The following NPHP4 variants were observed in gnomAD, a reference collection of about 807,000 sequenced individuals.
The protein encoded by NPHP4 is nephrocystin 4.
NPHP4 carries 151 observed loss-of-function variants against 155.8 expected under a neutral mutation model. The observed-to-expected ratio is 0.97, with a 90% confidence interval of 0.85 to 1.11. NPHP4 has a LOEUF of 1.11. NPHP4 is among the 50% of genes least tolerant of loss of function. NPHP4 has a pLI of 0.00. For missense variants in NPHP4, 1,956 were observed against 1,925.7 expected, an observed-to-expected ratio of 1.02 and a Z score of -0.29; for synonymous variants, 845 against 816.8, an observed-to-expected ratio of 1.03 and a Z score of -0.59.
chr1:5,986,118 G>A, intron 2 of NPHP4, 37 bp downstream of exon 2: 1 of 1,610,806 alleles, frequency 6.2e-7, no homozygotes, highest in Admixed American at 1.7e-5. Flanking sequence ...TCAGCTAAGA[G>A]CAATAACACG....
chr1:5,980,831 C>G (rs1362439668), intron 2 of NPHP4, among the ~76,000 whole-genome samples: 1 of 152,118 alleles, frequency 6.6e-6, no homozygotes, highest in Non-Finnish European at 1.5e-5. Flanking sequence ...AGACTCCAAG[C>G]CCAGCTCCCA....
intron 3 of NPHP4, among the ~76,000 whole-genome samples, chr1:5,972,748 C>CT (rs908984579): frequency 3.9e-5 from 6 of 152,036 alleles, no homozygotes; most frequent in South Asian, 2.1e-4. Context: ...TTCTTTCTTT[C>CT]TTTTTTTTCA....
At chr1:5,914,257 CAAAAAAAAAAAAAAAAAAA>C (rs575438284) in intron 11 of NPHP4, among the ~76,000 whole-genome samples, 3,052 of 47,572 alleles carry the variant, frequency 0.064, 171 homozygotes, top group Middle Eastern at 0.18. Flanking sequence ...CTTATCTATA[CAAAAAAAAAAAAAAAAAAA>C]AAAAAAAAAA....
intron 11 of NPHP4, among the ~76,000 whole-genome samples, chr1:5,926,256 A>G (rs2101650947): frequency 6.6e-6 from 1 of 152,384 alleles, no homozygotes; most frequent in African/African-American, 2.4e-5. Context: ...TATGAAAAGA[A>G]GGAAAATACT....
At chr1:5,917,016 T>C (rs1645507456) in intron 11 of NPHP4, among the ~76,000 whole-genome samples, 1 of 152,200 alleles carries the variant, frequency 6.6e-6, no homozygotes, top group African/African-American at 2.4e-5. Flanking sequence ...AAAGCGGCAG[T>C]GGCAGGGAAA....
At chr1:5,864,579 C>T (rs1338029975) in intron 27 of NPHP4, 62 bp from the exon 28 acceptor site, 4 of 1,408,728 alleles carry the variant, frequency 2.8e-6, no homozygotes, top group Non-Finnish European at 3.8e-6. Flanking sequence ...CAAGGGGCTC[C>T]TGGGCGCCTG....
intron 9 of NPHP4, among the ~76,000 whole-genome samples, chr1:5,945,972 A>C (rs1647072120): frequency 6.6e-6 from 1 of 152,124 alleles, no homozygotes. Context: ...CACCCATTGC[A>C]GTTGAGAGGT....
intron 11 of NPHP4, among the ~76,000 whole-genome samples, chr1:5,912,328 G>T (rs2101356385): frequency 6.6e-6 from 1 of 152,272 alleles, no homozygotes; most frequent in Non-Finnish European, 1.5e-5. Flanking sequence ...CACAAGGTCA[G>T]GAGATCGAGA....
chr1:5,868,645 T>C lies in NPHP4; in HGVS notation c.3316-749A>G, dbSNP rs566225456. 2.8e-5 allele frequency among the ~76,000 whole-genome samples: 4 copies of C among 143,122 alleles called. No homozygotes were observed. In the East Asian group the frequency reaches 8.6e-4, roughly 31 times the overall value. The allele number at this position is 143,122 out of a possible 152,430, so 93.9% of individuals were successfully genotyped here. A position where few individuals can be genotyped will look rare whatever the true frequency, so the allele number is the denominator to read the frequency against. On this transcript the variant is annotated intron_variant, in intron 23 of 29. Coordinates refer to ENST00000378156, the MANE Select transcript of NPHP4 (RefSeq NM_015102.5). The stretch of plus-strand genomic sequence containing the variant: ...ACACATGCAAACATGCACCCATGCA[T>C]GCACACACGCATCCAGCCACAAATG...
At chr1:5,898,115 C>A (rs1262133122) in intron 16 of NPHP4, among the ~76,000 whole-genome samples, 1 of 152,194 alleles carries the variant, frequency 6.6e-6, no homozygotes, top group Non-Finnish European at 1.5e-5. Flanking sequence ...GGAAATGGAC[C>A]GCGTTCTTTG....
Position 5,956,067 on chromosome 1 carries a change from G to GGC in NPHP4, c.674-3232_674-3231insGC, listed in dbSNP as rs1553190535. On this transcript the variant is annotated intron_variant, in intron 6 of 29. Coordinates refer to ENST00000378156, the MANE Select transcript of NPHP4 (RefSeq NM_015102.5). ...AGAATGTTTCAAAAAGCTGGGGGGG[G>GGC]GGGGTGCAGGGAGGGATGACATAAA... Among the ~76,000 whole-genome samples, 59 of 149,990 alleles carry GGC rather than the reference G, an allele frequency of 3.9e-4. 2 individuals are homozygous for GGC. Among genetic ancestry groups the GGC allele is most frequent in the Middle Eastern group, 6.8e-3 (2 of 292 alleles).
chr1:5,946,996 A>T, intron 9 of NPHP4, 108 bp downstream of exon 9: 1 of 1,146,392 alleles, frequency 8.7e-7, no homozygotes, highest in Non-Finnish European at 1.3e-6. Flanking sequence ...TATTATTTAT[A>T]ATAATCATGC....
intron 16 of NPHP4, among the ~76,000 whole-genome samples, chr1:5,896,968 C>G (rs114280324): frequency 0.014 from 2,140 of 152,284 alleles, 49 homozygotes; most frequent in African/African-American, 0.048. Flanking sequence ...AAAGACAAAG[C>G]AAAACAGCCG....
At chr1:5,913,252 C>T (rs567341994) in intron 11 of NPHP4, among the ~76,000 whole-genome samples, 1 of 151,996 alleles carries the variant, frequency 6.6e-6, no homozygotes, top group Non-Finnish European at 1.5e-5. Flanking sequence ...CCAGCACACA[C>T]CTCTGGCCCA....
chr1:5,929,783 T>A (rs980343198), intron 10 of NPHP4, among the ~76,000 whole-genome samples: 5 of 152,150 alleles, frequency 3.3e-5, no homozygotes, highest in Non-Finnish European at 7.4e-5. Flanking sequence ...TTAATATTAT[T>A]TTTCTGGTTT....
chr1:5,918,642 G>A (rs1645587744), intron 11 of NPHP4, among the ~76,000 whole-genome samples: 1 of 152,178 alleles, frequency 6.6e-6, no homozygotes, highest in Non-Finnish European at 1.5e-5. Context: ...AAAAGGAAGA[G>A]TCCTCCCAAG....
rs771564904 is a variant in NPHP4, at chr1:5,890,119, T to C, written c.2304+749A>G. Among the ~76,000 whole-genome samples the C allele has an allele frequency of 5.3e-5, 8 of 151,354 alleles. No homozygotes were observed. The highest frequency in any genetic ancestry group is 8.8e-5 in the Non-Finnish European group (6 of 67,908). On this transcript the variant is annotated intron_variant, in intron 17 of 29. Coordinates refer to ENST00000378156, the MANE Select transcript of NPHP4 (RefSeq NM_015102.5). The surrounding 1 kb of genome is among the most constrained non-coding windows in gnomAD (Gnocchi z 4.9). Reference sequence around the variant, plus strand: ...ACAGGAAGCCCCGGGGGTTCAGCCGTGTCAGGAATCCAGGAGGAAAGCAGC... The same window carrying C: ...ACAGGAAGCCCCGGGGGTTCAGCCGCGTCAGGAATCCAGGAGGAAAGCAGC...
At position 5,917,768 on chromosome 1, in the gene NPHP4, T is replaced by G. The variant is rs192160427; in HGVS notation, c.1442-8555A>C. 4.2e-3 allele frequency among the ~76,000 whole-genome samples: 643 copies of G among 152,218 alleles called. 6 individuals carry two copies. The highest frequency in any genetic ancestry group is 0.014 in the African/African-American group (596 of 41,540). On this transcript the variant is annotated intron_variant, in intron 11 of 29. Coordinates refer to ENST00000378156, the MANE Select transcript of NPHP4 (RefSeq NM_015102.5). ...CACCAACTATCTGCACCTCTTTACC[T>G]TCCAGGCATACGATGAGTCAGTCCC...
chr1:5,938,209 G>A (rs983297181), intron 9 of NPHP4, among the ~76,000 whole-genome samples: 14 of 152,230 alleles, frequency 9.2e-5, no homozygotes, highest in African/African-American at 2.9e-4. Context: ...AGTCCTTCCC[G>A]ATGGCTCGCT....
Sources: gnomAD v4.1 joint callset for allele counts (sites outside exome capture counted in the v4.1 genomes callset) on GRCh38, gnomAD v4.1.1 for gene constraint, Gnocchi (gnomAD v3.1) non-coding constraint, MANE v1.5 for transcripts, NCBI Gene and HGNC (gene_info 2026-07-23, HGNC 2026-07-21) for gene names.